SUCLG1: variants seen among roughly 807,000 people sequenced by gnomAD.
The protein encoded by SUCLG1 is succinate-CoA ligase GDP/ADP-forming subunit alpha.
Under a neutral mutation model 37.3 loss-of-function variants are expected in SUCLG1, and 26 were observed. The observed-to-expected ratio is 0.70, with a 90% CI of 0.51 to 0.97. The LOEUF is 0.97. Ranked by LOEUF, SUCLG1 falls within the 50% of genes least tolerant of loss-of-function variation. SUCLG1 has a pLI of 0.00. For missense variants in SUCLG1, 433 were observed against 432.9 expected (o/e 1.00, Z 0.00); for synonymous variants, 163 against 155.6 (o/e 1.05, Z -0.36).
intron 7 of SUCLG1, among the ~76,000 whole-genome samples, chr2:84,428,333 T>C (rs1167821055): frequency 6.7e-6 from 1 of 149,196 alleles, no homozygotes; most frequent in African/African-American, 2.4e-5. Context: ...CTATAACCTA[T>C]TCCCCGTGTG....
intron 1 of SUCLG1, among the ~76,000 whole-genome samples, chr2:84,457,822 C>G (rs1054924662): frequency 6.6e-6 from 1 of 152,044 alleles, no homozygotes; most frequent in African/African-American, 2.4e-5. Context: ...ATAATGAATT[C>G]TTTTTGTCCT....
intron 3 of SUCLG1, among the ~76,000 whole-genome samples, chr2:84,442,145 C>T (rs1371482209): frequency 7.2e-6 from 1 of 138,338 alleles, no homozygotes; most frequent in African/African-American, 2.7e-5. Flanking sequence ...AAATGGATTG[C>T]TTAGCAAGAA....
At chr2:84,439,557 C>T (rs1192479633) in intron 5 of SUCLG1, among the ~76,000 whole-genome samples, 3 of 152,176 alleles carry the variant, frequency 2.0e-5, no homozygotes, top group African/African-American at 7.2e-5. Flanking sequence ...CAAGTACTGC[C>T]ACTGGCAGCA....
intron 5 of SUCLG1, among the ~76,000 whole-genome samples, chr2:84,436,601 G>T (rs1372891744): frequency 2.6e-5 from 4 of 152,236 alleles, no homozygotes; most frequent in Admixed American, 2.6e-4. Context: ...GGAAAAAAGG[G>T]AAGGATAAAT....
intron 2 of SUCLG1, among the ~76,000 whole-genome samples, chr2:84,447,907 T>A (rs1188166273): frequency 1.3e-5 from 2 of 152,052 alleles, no homozygotes; most frequent in Non-Finnish European, 2.9e-5. Flanking sequence ...TTTTTCTGTT[T>A]TTTTTGTAGA....
chr2:84,445,869 G>A (rs1672841747), intron 2 of SUCLG1, among the ~76,000 whole-genome samples: 1 of 152,190 alleles, frequency 6.6e-6, no homozygotes, highest in Non-Finnish European at 1.5e-5. Flanking sequence ...CACTCTGATT[G>A]TCTTAGATTT....
intron 2 of SUCLG1, among the ~76,000 whole-genome samples, chr2:84,445,994 G>A (rs746750759): frequency 1.3e-5 from 2 of 152,246 alleles, no homozygotes; most frequent in Non-Finnish European, 2.9e-5. Flanking sequence ...CGCTGGCCTT[G>A]TGGCTTCCAC....
intron 2 of SUCLG1, chr2:84,449,004 T>A: frequency 2.9e-6 from 1 of 349,926 alleles, no homozygotes. Context: ...CATTTTATTA[T>A]AGAATTGCAT....
intron 5 of SUCLG1, among the ~76,000 whole-genome samples, 180 bp downstream of exon 5, chr2:84,440,867 T>C (rs1672757878): frequency 6.6e-6 from 1 of 152,244 alleles, no homozygotes; most frequent in Non-Finnish European, 1.5e-5. Context: ...TTGTAACGGC[T>C]TCTCAAATAA....
At chr2:84,441,211 C>T in intron 4 of SUCLG1, 36 bp downstream of exon 4, 1 of 1,613,822 alleles carries the variant, frequency 6.2e-7, no homozygotes, top group Non-Finnish European at 8.5e-7. Flanking sequence ...TTGTGAGAGG[C>T]TTAATCTGAG....
chr2:84,447,975 T>C (rs1672874855), intron 2 of SUCLG1, among the ~76,000 whole-genome samples: 1 of 152,060 alleles, frequency 6.6e-6, no homozygotes, highest in Non-Finnish European at 1.5e-5. Context: ...CTAGCAATCC[T>C]GCTGCTCTGG....
Position 84,441,041 on chromosome 2 carries a change from A to C in SUCLG1, c.589+6T>G, listed in dbSNP as rs1672763191. 1 of 1,613,638 alleles carries C rather than the reference A, an allele frequency of 6.2e-7. No individual in the cohort carries two copies. Among genetic ancestry groups the C allele is most frequent in the African/African-American group, 1.3e-5 (1 of 74,884 alleles). On this transcript the variant is annotated splice_donor_region_variant and intron_variant, in intron 5 of 8. Transcript: ENST00000393868. ...TAATCTATAAGAATGTAACAAACAA[A>C]CTCACCAATCCTTCCTTTTTTGTGA...
At chr2:84,440,495 T>C (rs1433031164) in intron 5 of SUCLG1, among the ~76,000 whole-genome samples, 1 of 152,244 alleles carries the variant, frequency 6.6e-6, no homozygotes, top group Non-Finnish European at 1.5e-5. Context: ...GGCAGTTTCT[T>C]ATAAAGTTAA....
intron 5 of SUCLG1, among the ~76,000 whole-genome samples, chr2:84,434,721 C>A (rs559499987): frequency 6.6e-6 from 1 of 151,166 alleles, no homozygotes; most frequent in South Asian, 2.1e-4. Flanking sequence ...TTCTTGTCAA[C>A]CTGAGACAAA....
At chr2:84,430,497 G>C (rs1352385635) in intron 7 of SUCLG1, among the ~76,000 whole-genome samples, 1 of 152,154 alleles carries the variant, frequency 6.6e-6, no homozygotes, top group Non-Finnish European at 1.5e-5. Flanking sequence ...GGGAGTTAGG[G>C]CTTAAAATCA....
At position 84,437,439 on chromosome 2, in the gene SUCLG1, TAATC is replaced by T. The variant is rs1044660076; in HGVS notation, c.589+3604_589+3607del. On this transcript the variant is annotated intron_variant, in intron 5 of 8. Transcript: ENST00000393868. ...TTTATTTTAAAAATCTATAAAAAGA[TAATC>T]AATATCATTAGCCATTAGGCGAATA... 2.6e-5 allele frequency among the ~76,000 whole-genome samples: 4 copies of T among 152,188 alleles called. No homozygotes were observed. The East Asian group carries it at 7.7e-4, about 29-fold the overall frequency.
intron 1 of SUCLG1, among the ~76,000 whole-genome samples, chr2:84,450,239 C>T (rs1425148053): frequency 2.6e-5 from 4 of 152,022 alleles, no homozygotes; most frequent in Non-Finnish European, 5.9e-5. Context: ...AAAAATCACT[C>T]AGCAACTCAT....
At chr2:84,426,319 G>C (rs1401142805) in intron 7 of SUCLG1, 1 of 149,606 alleles carries the variant, frequency 6.7e-6, no homozygotes, top group African/African-American at 2.5e-5. Flanking sequence ...CTGTACTCTA[G>C]ACATGCAAAG....
chr2:84,452,213 G>A (rs1672952593), intron 1 of SUCLG1, among the ~76,000 whole-genome samples: 1 of 152,174 alleles, frequency 6.6e-6, no homozygotes, highest in Middle Eastern at 3.4e-3. Context: ...GGGCATTTGG[G>A]GTGGATAAAC....
Sources: allele counts gnomAD v4.1 joint callset (sites outside exome capture counted in the v4.1 genomes callset), GRCh38; gene constraint gnomAD v4.1.1; transcripts MANE v1.5; gene names NCBI Gene and HGNC (gene_info 2026-07-23, HGNC 2026-07-21).